Variants in SV2C observed in about 807,000 individuals in gnomAD.
SV2C encodes the protein solute carrier family 22 member B3.
SV2C carries 49 observed loss-of-function variants against 79.7 expected under a neutral mutation model. The ratio of observed to expected loss-of-function variants is 0.61; its 90% CI spans 0.49 to 0.78. The LOEUF is 0.78. Ranked by LOEUF, SV2C falls within the 30% of genes least tolerant of loss-of-function variation. The probability of loss-of-function intolerance (pLI) is 0.00; values close to 1 mark genes in which losing one functional copy is unlikely to be tolerated. For synonymous variants in SV2C, 334 were observed against 333.2 expected, an observed-to-expected ratio of 1.00 and a Z score of -0.03; for missense variants, 833 against 912.9, an observed-to-expected ratio of 0.91 and a Z score of 1.13.
the SV2C span, among the ~76,000 whole-genome samples, chr5:75,874,355 A>G: frequency 6.6e-6 from 1 of 152,316 alleles, no homozygotes; most frequent in African/African-American, 2.4e-5. Flanking sequence ...AATATTCAAC[A>G]CCGTGTCATG....
the SV2C span, among the ~76,000 whole-genome samples, chr5:75,877,095 T>A: frequency 4.6e-5 from 7 of 151,930 alleles, no homozygotes; most frequent in Non-Finnish European, 1.0e-4. Flanking sequence ...AGCAAAAGGA[T>A]GTAAAAAGAC....
intron 12 of SV2C, among the ~76,000 whole-genome samples, chr5:76,352,040 C>T (rs1749652367): frequency 6.6e-6 from 1 of 152,106 alleles, no homozygotes; most frequent in South Asian, 2.1e-4. Context: ...TGGTGAAACC[C>T]TATCTCTACT....
chr5:75,979,616 C>T, the SV2C span, among the ~76,000 whole-genome samples: 1 of 151,596 alleles, frequency 6.6e-6, no homozygotes, highest in Non-Finnish European at 1.5e-5. Context: ...ATAACCTGAT[C>T]CTGAATGACT....
chr5:75,989,310 G>A, the SV2C span, among the ~76,000 whole-genome samples: 1 of 150,932 alleles, frequency 6.6e-6, no homozygotes, highest in Non-Finnish European at 1.5e-5. Context: ...TCCTCCCCTC[G>A]ACTCTGTGAC....
In SV2C at chr5:76,326,247, C is replaced by T. The variant is rs1209989648; in HGVS notation, c.*700C>T. 1 of 152,252 alleles carries T rather than the reference C, an allele frequency of 6.6e-6. No individual in the cohort carries two copies. Among genetic ancestry groups the T allele is most frequent in the Non-Finnish European group, 1.5e-5 (1 of 68,042 alleles). 9.4% of individuals were successfully genotyped at this position (152,252 alleles called of 1,614,324 possible). The stretch of plus-strand genomic sequence containing the variant: ...CTCTGAAAAGTGTGAGGAAAAAGAA[C>T]TGTAACAGTATCTGTGACTGTGGCA... On this transcript the variant is annotated 3_prime_UTR_variant, in exon 13 of 13. Coordinates refer to ENST00000502798, the MANE Select transcript of SV2C (RefSeq NM_014979.4).
rs542763943 is a variant in SV2C, at chr5:76,285,968, G to A, written c.1137+98G>A. ...ATATTTTAGACTTTGCAAGTCATAC[G>A]GTCTTTGACACAGCTACTCAGCTCT... On this transcript the variant is annotated intron_variant, in intron 6 of 12. Coordinates refer to ENST00000502798, the MANE Select transcript of SV2C (RefSeq NM_014979.4). The A allele has an allele frequency of 2.2e-5, 23 of 1,064,466 alleles. No individual in the cohort carries two copies. In the Admixed American group the frequency reaches 3.4e-4, roughly 16 times the overall value. The allele number at this position is 1,064,466 out of a possible 1,614,324, so 65.9% of individuals were successfully genotyped here.
the SV2C span, among the ~76,000 whole-genome samples, chr5:76,001,915 T>C: frequency 2.6e-5 from 4 of 152,138 alleles, no homozygotes; most frequent in Non-Finnish European, 5.9e-5. Flanking sequence ...CAGGGTACAC[T>C]GTACCCAACA....
chr5:75,996,633 A>G, the SV2C span, among the ~76,000 whole-genome samples: 1 of 152,098 alleles, frequency 6.6e-6, no homozygotes, highest in South Asian at 2.1e-4. Flanking sequence ...ATGTTCTTCC[A>G]TTTGTTTGTA....
the SV2C span, among the ~76,000 whole-genome samples, chr5:76,026,687 A>T: frequency 6.6e-6 from 1 of 152,204 alleles, no homozygotes; most frequent in African/African-American, 2.4e-5. Context: ...CAAGAGTCGG[A>T]GTGGGGTGAA....
intron 12 of SV2C, among the ~76,000 whole-genome samples, chr5:76,316,583 G>T (rs1487676799): frequency 6.6e-6 from 1 of 152,110 alleles, no homozygotes; most frequent in African/African-American, 2.4e-5. Flanking sequence ...ACCTGCTTGG[G>T]AGTAGGAAAT....
intron 4 of SV2C, among the ~76,000 whole-genome samples, chr5:76,261,350 G>A (rs1367411401): frequency 2.6e-5 from 4 of 152,094 alleles, no homozygotes; most frequent in African/African-American, 4.8e-5. Flanking sequence ...GGGCTGAGAC[G>A]ATAGGGTTTT....
intron 2 of SV2C, among the ~76,000 whole-genome samples, chr5:76,162,709 T>G (rs1000399271): frequency 5.9e-5 from 9 of 152,208 alleles, no homozygotes; most frequent in African/African-American, 2.2e-4. Flanking sequence ...TTCTGGAGAT[T>G]AACTGGCTTA....
intron 4 of SV2C, chr5:76,281,195 C>A: frequency 1.9e-6 from 1 of 532,666 alleles, no homozygotes; most frequent in South Asian, 1.4e-5. Flanking sequence ...AAAAGTAAGC[C>A]GACAAACAGA....
chr5:76,027,212 C>T, the SV2C span, among the ~76,000 whole-genome samples: 2 of 151,824 alleles, frequency 1.3e-5, no homozygotes, highest in African/African-American at 2.4e-5. Context: ...CAGGCGCCCA[C>T]CACCACTCCC....
At chr5:76,279,423 G>T (rs1296517881) in intron 4 of SV2C, among the ~76,000 whole-genome samples, 1 of 152,240 alleles carries the variant, frequency 6.6e-6, no homozygotes, top group Admixed American at 6.5e-5. Flanking sequence ...TTGGGGGCCA[G>T]TCAGAGGAGC....
the SV2C span, among the ~76,000 whole-genome samples, chr5:75,951,175 G>A: frequency 5.5e-4 from 84 of 152,104 alleles, no homozygotes; most frequent in Admixed American, 2.6e-3. Flanking sequence ...TGGTCTTACA[G>A]AGGGATGAGA....
At chr5:76,209,401 G>A (rs1744700828) in intron 3 of SV2C, among the ~76,000 whole-genome samples, 1 of 152,108 alleles carries the variant, frequency 6.6e-6, no homozygotes, top group Non-Finnish European at 1.5e-5. Context: ...GGAAATCAAT[G>A]TAAGTTTTGA....
chr5:76,113,582 C>T (rs1255313387), intron 1 of SV2C, among the ~76,000 whole-genome samples: 1 of 152,174 alleles, frequency 6.6e-6, no homozygotes, highest in East Asian at 1.9e-4. Context: ...AGTTCTCAAA[C>T]ATTGGTGGAA....
the SV2C span, among the ~76,000 whole-genome samples, chr5:75,984,178 A>G: frequency 2.0e-5 from 3 of 152,176 alleles, no homozygotes; most frequent in African/African-American, 7.2e-5. Flanking sequence ...TGCATGAACA[A>G]TGCAGTAGAT....
Sources: gnomAD v4.1 joint callset for allele counts (sites outside exome capture counted in the v4.1 genomes callset) on GRCh38, gnomAD v4.1.1 for gene constraint, MANE v1.5 for transcripts, NCBI Gene and HGNC (gene_info 2026-07-23, HGNC 2026-07-21) for gene names.